Variants in KCNAB1 observed in about 807,000 individuals in gnomAD.
The protein encoded by KCNAB1 is potassium voltage-gated channel subfamily A regulatory beta subunit 1.
A neutral mutation model predicts 64.6 loss-of-function variants in KCNAB1; 35 were observed. That is an observed-to-expected ratio of 0.54 (90% CI 0.41 to 0.72). The LOEUF (loss-of-function observed/expected upper bound fraction) is 0.72. Among genes scored for constraint, KCNAB1 ranks in the 30% least tolerant of loss-of-function variants. The pLI, the probability that KCNAB1 is intolerant of heterozygous loss-of-function variation, is 0.00. For missense variants in KCNAB1, 401 were observed against 512.9 expected (o/e 0.78, Z 2.11); for synonymous variants, 177 against 183.8 (o/e 0.96, Z 0.30).
At chr3:156,393,181 G>A (rs1713170042) in intron 1 of KCNAB1, among the ~76,000 whole-genome samples, 1 of 152,094 alleles carries the variant, frequency 6.6e-6, no homozygotes, top group African/African-American at 2.4e-5. Flanking sequence ...ACAGACTTGC[G>A]CCAGGCAGGA....
At position 156,280,017 on chromosome 3, in the gene KCNAB1, G is replaced by C. The variant is rs1460704411; in HGVS notation, c.276-141599G>C. On this transcript the variant is annotated intron_variant, in intron 1 of 13. Coordinates refer to ENST00000490337, the MANE Select transcript of KCNAB1 (RefSeq NM_172160.3). ...TTGGCTTTTGTTGCCATTGCTTTTGGTGTTTTAGACATGAAGTCCTTGCCC... is the reference window on the plus strand; with the variant it reads ...TTGGCTTTTGTTGCCATTGCTTTTGCTGTTTTAGACATGAAGTCCTTGCCC... Among the ~76,000 whole-genome samples, 21 of 149,336 alleles carry C rather than the reference G, an allele frequency of 1.4e-4. No homozygotes were observed. The South Asian group carries it at 4.5e-3, about 32-fold the overall frequency.
At chr3:156,500,861 T>G (rs1716351420) in intron 8 of KCNAB1, among the ~76,000 whole-genome samples, 1 of 152,178 alleles carries the variant, frequency 6.6e-6, no homozygotes, top group South Asian at 2.1e-4. Context: ...TGGTAACACC[T>G]GCTTTGAAAA....
chr3:156,345,697 G>C (rs1724440136), intron 1 of KCNAB1, among the ~76,000 whole-genome samples: 1 of 152,196 alleles, frequency 6.6e-6, no homozygotes, highest in South Asian at 2.1e-4. Context: ...GCTTGAGGCA[G>C]AAACTCTTTC....
chr3:156,529,554 G>T (rs897447244), intron 12 of KCNAB1, among the ~76,000 whole-genome samples: 2 of 151,936 alleles, frequency 1.3e-5, no homozygotes, highest in Non-Finnish European at 2.9e-5. Context: ...CTAGGAGTGT[G>T]TTAAAAATGC....
intron 2 of KCNAB1, among the ~76,000 whole-genome samples, chr3:156,435,111 G>T (rs1254548339): frequency 6.6e-6 from 1 of 152,220 alleles, no homozygotes; most frequent in Non-Finnish European, 1.5e-5. Context: ...GGGAGATGGG[G>T]TGTTTCCATA....
At chr3:156,528,671 C>A (rs970753856) in intron 12 of KCNAB1, among the ~76,000 whole-genome samples, 2 of 151,950 alleles carry the variant, frequency 1.3e-5, no homozygotes, top group African/African-American at 4.8e-5. Context: ...ACATTCCAGG[C>A]AAAAGGAACA....
At chr3:156,460,645 G>A (rs1015687987) in intron 5 of KCNAB1, 2 of 152,218 alleles carry the variant, frequency 1.3e-5, no homozygotes, top group Non-Finnish European at 1.5e-5. Flanking sequence ...CATAATATCT[G>A]CTGATTACCA....
At chr3:156,165,236 C>T (rs1229719720) in intron 1 of KCNAB1, among the ~76,000 whole-genome samples, 1 of 142,702 alleles carries the variant, frequency 7.0e-6, no homozygotes, top group Non-Finnish European at 1.5e-5. Context: ...CGAGATCCCG[C>T]CACTGCACTC....
At chr3:156,279,904 C>T (rs1272529584) in intron 1 of KCNAB1, among the ~76,000 whole-genome samples, 3 of 148,430 alleles carry the variant, frequency 2.0e-5, no homozygotes, top group South Asian at 2.2e-4. Flanking sequence ...AAATTTTCTC[C>T]CATTTTGTAG....
At chr3:156,363,518 C>T (rs1359211183) in intron 1 of KCNAB1, among the ~76,000 whole-genome samples, 1 of 151,806 alleles carries the variant, frequency 6.6e-6, no homozygotes, top group African/African-American at 2.4e-5. Context: ...CTCTGTTGCC[C>T]AGGCTGGGGT....
intron 8 of KCNAB1, among the ~76,000 whole-genome samples, chr3:156,503,874 A>G (rs1350223169): frequency 6.6e-6 from 1 of 152,210 alleles, no homozygotes; most frequent in Non-Finnish European, 1.5e-5. Flanking sequence ...TAACATATCC[A>G]TCACCTCAAA....
intron 8 of KCNAB1, among the ~76,000 whole-genome samples, chr3:156,505,266 G>C (rs1716757488): frequency 6.6e-6 from 1 of 152,086 alleles, no homozygotes; most frequent in Non-Finnish European, 1.5e-5. Flanking sequence ...CTATGTGTCT[G>C]TTTTTATGCC....
chr3:156,510,321 C>A (rs1717118960), intron 8 of KCNAB1, among the ~76,000 whole-genome samples: 2 of 152,200 alleles, frequency 1.3e-5, no homozygotes, highest in African/African-American at 4.8e-5. Context: ...ACAGGTGCTG[C>A]CATGTCTTCC....
At chr3:156,266,741 G>A (rs780957609) in intron 1 of KCNAB1, among the ~76,000 whole-genome samples, 14 of 152,176 alleles carry the variant, frequency 9.2e-5, no homozygotes, top group African/African-American at 3.1e-4. Context: ...TAGAGAATCA[G>A]TTACACAGTG....
At chr3:156,338,763 A>T (rs1723906116) in intron 1 of KCNAB1, among the ~76,000 whole-genome samples, 1 of 152,166 alleles carries the variant, frequency 6.6e-6, no homozygotes, top group Admixed American at 6.5e-5. Flanking sequence ...CGGGAGTGCC[A>T]GCAAACTCTG....
chr3:156,227,719 C>G (rs1485916863), intron 1 of KCNAB1: 1 of 152,254 alleles, frequency 6.6e-6, no homozygotes, highest in East Asian at 1.9e-4. Flanking sequence ...GTAACAGGCT[C>G]AAGGCCCCCA....
intron 3 of KCNAB1, among the ~76,000 whole-genome samples, chr3:156,454,499 G>A (rs1380762619): frequency 6.6e-6 from 1 of 152,164 alleles, no homozygotes; most frequent in African/African-American, 2.4e-5. Context: ...ACAGAGGAAG[G>A]CCATTTGATG....
intron 1 of KCNAB1, among the ~76,000 whole-genome samples, chr3:156,266,984 A>G (rs188064759): frequency 1.7e-3 from 255 of 152,218 alleles, no homozygotes; most frequent in African/African-American, 5.9e-3. Context: ...TTTTCTAGGT[A>G]TGACTTTCTT....
chr3:156,351,029 A>C (rs1156672555), intron 1 of KCNAB1, among the ~76,000 whole-genome samples: 3 of 152,250 alleles, frequency 2.0e-5, no homozygotes, highest in Non-Finnish European at 4.4e-5. Context: ...AATCAGACAG[A>C]TTAAAAGATA....
Sources: allele counts gnomAD v4.1 joint callset (sites outside exome capture counted in the v4.1 genomes callset), GRCh38; gene constraint gnomAD v4.1.1; transcripts MANE v1.5; gene names NCBI Gene and HGNC (gene_info 2026-07-23, HGNC 2026-07-21).